Variants in TTC34 observed in about 807,000 individuals in gnomAD.
TTC34 encodes the protein tetratricopeptide repeat domain 34, also known as tetratricopeptide repeat protein 34.
TTC34 carries 44 observed loss-of-function variants against 40.7 expected under a neutral mutation model. The observed-to-expected ratio is 1.08, with a 90% CI of 0.85 to 1.39. The LOEUF is 1.39. Among genes scored for constraint, TTC34 ranks in the 40% most tolerant of loss-of-function variants. TTC34 has a pLI of 0.00. For synonymous variants in TTC34, 422 were observed against 398.6 expected (o/e 1.06, Z -0.70); for missense variants, 884 against 838.0 (o/e 1.05, Z -0.68).
At chr1:2,681,103 C>A (rs1267913786) in intron 6 of TTC34, among the ~76,000 whole-genome samples, 5 of 87,096 alleles carry the variant, frequency 5.7e-5, no homozygotes, top group South Asian at 6.7e-4. Context: ...AGTGCCCACA[C>A]CCCCAGGTGA....
rs1317208413 is a variant in TTC34, at chr1:2,645,528, G to A, written c.2262C>T (p.Leu754=). The stretch of plus-strand genomic sequence containing the variant: ...GCTCAGGGACCACAGTCCCGGGGCC[G>A]AGCTTCAGAGCAGAGACGATGTCGT... The change falls in exon 7 of 9, where the codon CTC becomes CTT. Residue 754 remains leucine, a synonymous_variant. Transcript: ENST00000401095. The surrounding 1 kb of genome is among the most constrained non-coding windows in gnomAD (Gnocchi z 4.7). 1.1e-5 allele frequency: 14 copies of A among 1,266,278 alleles called. No homozygotes were observed. In the African/African-American group the frequency reaches 1.1e-4, roughly 10 times the overall value. 78.4% of individuals were successfully genotyped at this position (1,266,278 alleles called of 1,614,324 possible). A position where few individuals can be genotyped will look rare whatever the true frequency, so the allele number is the denominator to read the frequency against.
At chr1:2,676,932 A>T (rs1350384836) in intron 6 of TTC34, among the ~76,000 whole-genome samples, 4 of 147,236 alleles carry the variant, frequency 2.7e-5, no homozygotes, top group South Asian at 4.4e-4. Context: ...CCACACCCCC[A>T]GGTGAGCATC....
chr1:2,687,102 C>T (rs575058682), intron 6 of TTC34, among the ~76,000 whole-genome samples: 380 of 91,292 alleles, frequency 4.2e-3, no homozygotes, highest in Middle Eastern at 0.016. Context: ...GAACATCCGA[C>T]ATCGTGGAGT....
intron 2 of TTC34, among the ~76,000 whole-genome samples, chr1:2,793,080 AT>A (rs1483371344): frequency 6.6e-6 from 1 of 152,256 alleles, no homozygotes; most frequent in Non-Finnish European, 1.5e-5. Flanking sequence ...CAGATCTTCT[AT>A]TGTTAGATAG....
rs1374195222 is a variant in TTC34 at position 2,683,637 on chromosome 1, A to T, written c.2227-38074T>A. On this transcript the variant is annotated intron_variant, in intron 6 of 8. Coordinates refer to ENST00000401095, the Ensembl canonical transcript of TTC34. ...ATCCTTCAGCAGCACCCACACCCCCAGGTGAGCATCTGACAGCCTGGAGCA... is the reference window on the plus strand; with the variant it reads ...ATCCTTCAGCAGCACCCACACCCCCTGGTGAGCATCTGACAGCCTGGAGCA... Among the ~76,000 whole-genome samples, 6 of 148,022 alleles carry T rather than the reference A, an allele frequency of 4.1e-5. 1 individual carries two copies. The highest frequency in any genetic ancestry group is 3.3e-4 in the Admixed American group (5 of 15,036).
chr1:2,754,861 C>T (rs1330316680), intron 6 of TTC34, among the ~76,000 whole-genome samples: 2 of 61,942 alleles, frequency 3.2e-5, no homozygotes, highest in Non-Finnish European at 3.0e-5. Context: ...ACCCACATGC[C>T]CAGCTGAGCC....
rs1643761874 is a variant in TTC34, at chr1:2,800,666, C to A, written c.162G>T (p.Arg54=). 2.3e-5 allele frequency: 9 copies of A among 398,554 alleles called. No individual in the cohort carries two copies. In the East Asian group the frequency reaches 3.2e-4, roughly 14 times the overall value. The allele number at this position is 398,554 out of a possible 1,614,324, so 24.7% of individuals were successfully genotyped here. ...CCAGGGTGGCCACCACCGCCGCCCC[C>A]CGAGCCTGGGCCAGGGCAGTGCGCA... Residue 54 remains arginine, a synonymous_variant, in exon 2 of 9, where the codon CGG becomes CGT. Transcript: ENST00000401095.
At chr1:2,750,215 CA>C in intron 6 of TTC34, among the ~76,000 whole-genome samples, 5 of 152,174 alleles carry the variant, frequency 3.3e-5, no homozygotes, top group Non-Finnish European at 1.5e-5. Flanking sequence ...CCCAGGTGCG[CA>C]TCTGATGGTC....
intron 6 of TTC34, among the ~76,000 whole-genome samples, chr1:2,749,702 A>T (rs1394540324): frequency 2.0e-3 from 141 of 71,686 alleles, no homozygotes; most frequent in African/African-American, 2.7e-3. Flanking sequence ...TGAGCATCTG[A>T]CAGTCTGGAA....
At position 2,692,423 on chromosome 1, in the gene TTC34, C is replaced by A. The variant is rs1287575891; in HGVS notation, c.2227-46860G>T. Among the ~76,000 whole-genome samples, 3 of 88,130 alleles carry A rather than the reference C, an allele frequency of 3.4e-5. 1 individual carries two copies. The highest frequency in any genetic ancestry group is 2.2e-4 in the Admixed American group (2 of 9,062). 57.8% of individuals were successfully genotyped at this position (88,130 alleles called of 152,430 possible). ...CTGGCAGCCTGGAGCAGCACCCACA[C>A]CCCCAGGTGAGCATCTGACTGCCTG... On this transcript the variant is annotated intron_variant, in intron 6 of 8. Coordinates refer to ENST00000401095, the Ensembl canonical transcript of TTC34.
chr1:2,798,081 T>C (rs1291740410), intron 2 of TTC34, among the ~76,000 whole-genome samples: 9 of 109,740 alleles, frequency 8.2e-5, no homozygotes, highest in African/African-American at 1.1e-4. Context: ...TCTTAGCCCC[T>C]CAGCTCCCCA....
rs561403809 is a variant in TTC34 at position 2,787,545 on chromosome 1, G to T, written c.1790C>A (p.Ala597Asp). Residue 597 changes from alanine (A) to aspartate (D), a missense_variant, in exon 4 of 9, where the codon GCC (alanine) becomes GAC (aspartate). Physicochemically the swap from Ala to Asp is moderately radical, Grantham distance 126. Transcript: ENST00000401095. ...CAGGGCCAGTCGTGCCAGCACAGGGGCTGCCTGGGGCCTCCGGGATAGGGC... is the reference window on the plus strand; with the variant it reads ...CAGGGCCAGTCGTGCCAGCACAGGGTCTGCCTGGGGCCTCCGGGATAGGGC... 1.9e-6 allele frequency: 3 copies of T among 1,539,732 alleles called. No individual in the cohort carries two copies. Among genetic ancestry groups the T allele is most frequent in the Non-Finnish European group, 2.6e-6 (3 of 1,139,710 alleles).
intron 6 of TTC34, among the ~76,000 whole-genome samples, chr1:2,773,425 T>C (rs1163205037): frequency 6.3e-5 from 3 of 47,340 alleles, no homozygotes; most frequent in African/African-American, 1.3e-4. Context: ...CACCCCCAGG[T>C]GAGCATCTGA....
At chr1:2,750,564 C>T (rs1252236224) in intron 6 of TTC34, among the ~76,000 whole-genome samples, 2 of 119,816 alleles carry the variant, frequency 1.7e-5, no homozygotes, top group African/African-American at 3.6e-5. Context: ...AGCACCCACA[C>T]CCCCAGGTGA....
chr1:2,652,135 GC>G (rs1639160579), intron 6 of TTC34, among the ~76,000 whole-genome samples: 1 of 129,174 alleles, frequency 7.7e-6, no homozygotes, highest in African/African-American at 2.9e-5. Context: ...CCCCAGGTGA[GC>G]ATCCGACAGC....
intron 8 of TTC34, among the ~76,000 whole-genome samples, chr1:2,643,028 GT>G (rs1474173288): frequency 2.0e-5 from 3 of 152,174 alleles, no homozygotes; most frequent in Non-Finnish European, 4.4e-5. Flanking sequence ...GCCCGGGGTG[GT>G]AGTGAAGCCT....
intron 6 of TTC34, among the ~76,000 whole-genome samples, chr1:2,683,533 G>T (rs1418784338): frequency 2.2e-3 from 299 of 138,272 alleles, no homozygotes; most frequent in African/African-American, 8.1e-3. Context: ...GCATCTGATG[G>T]TCTGGAGCAG....
At chr1:2,676,983 C>T (rs1235477864) in intron 6 of TTC34, among the ~76,000 whole-genome samples, 4 of 104,554 alleles carry the variant, frequency 3.8e-5, no homozygotes, top group African/African-American at 9.8e-5. Flanking sequence ...AGGTGAGCAT[C>T]CGACAGCCTG....
chr1:2,777,259 T>C (rs1380858685), intron 6 of TTC34, among the ~76,000 whole-genome samples: 5 of 39,236 alleles, frequency 1.3e-4, no homozygotes, highest in African/African-American at 2.1e-4. Flanking sequence ...ACACCCCCAG[T>C]GAGCATCTGA....
Sources: gnomAD v4.1 joint callset for allele counts (sites outside exome capture counted in the v4.1 genomes callset) on GRCh38, gnomAD v4.1.1 for gene constraint, Gnocchi (gnomAD v3.1) non-coding constraint, MANE v1.5 for transcripts, NCBI Gene and HGNC (gene_info 2026-07-23, HGNC 2026-07-21) for gene names.